The following MORC1 variants were observed in gnomAD, a reference collection of about 807,000 sequenced individuals.
MORC1 encodes MORC family CW-type zinc finger protein 1.
MORC1 carries 59 observed loss-of-function variants against 134.9 expected under a neutral mutation model. That is an observed-to-expected ratio of 0.44 (90% CI 0.35 to 0.54). MORC1 has a LOEUF of 0.54. MORC1 is among the 20% of genes least tolerant of loss of function. The probability of loss-of-function intolerance (pLI) is 0.00; values close to 1 mark genes in which losing one functional copy is unlikely to be tolerated. For synonymous variants in MORC1, 395 were observed against 391.7 expected (o/e 1.01, Z -0.10); for missense variants, 947 against 1,134.5 (o/e 0.83, Z 2.37).
chr3:109,060,154 C>G (rs939094528), intron 11 of MORC1, among the ~76,000 whole-genome samples: 1 of 151,558 alleles, frequency 6.6e-6, no homozygotes, highest in Non-Finnish European at 1.5e-5. Flanking sequence ...ACGGCTTTGA[C>G]AAAAACTACA....
chr3:109,051,163 T>C (rs1374369068), intron 14 of MORC1, among the ~76,000 whole-genome samples: 3 of 152,204 alleles, frequency 2.0e-5, no homozygotes, highest in Admixed American at 2.0e-4. Context: ...TCTGAGATTG[T>C]TAGCATCAGC....
At chr3:109,014,455 A>G (rs193227803) in intron 17 of MORC1, among the ~76,000 whole-genome samples, 2 of 152,324 alleles carry the variant, frequency 1.3e-5, no homozygotes, top group Admixed American at 1.3e-4. Flanking sequence ...TCTACATTCA[A>G]AAGGTGGTTA....
chr3:109,092,807 A>G (rs888733277), intron 8 of MORC1, among the ~76,000 whole-genome samples: 1 of 152,196 alleles, frequency 6.6e-6, no homozygotes, highest in Admixed American at 6.5e-5. Context: ...AATTACCTTT[A>G]CAATCTCTTC....
chr3:109,038,511 C>T (rs1949434148), intron 14 of MORC1, among the ~76,000 whole-genome samples: 3 of 152,186 alleles, frequency 2.0e-5, no homozygotes, highest in South Asian at 4.2e-4. Context: ...AAGCCTTTGT[C>T]CATGCCTATG....
chr3:109,083,123 A>G (rs1344583977), intron 8 of MORC1, among the ~76,000 whole-genome samples: 1 of 152,190 alleles, frequency 6.6e-6, no homozygotes, highest in Non-Finnish European at 1.5e-5. Flanking sequence ...AGACAGTGAA[A>G]CAATATTTTC....
At chr3:109,065,525 G>T (rs890967720) in intron 9 of MORC1, among the ~76,000 whole-genome samples, 10 of 152,264 alleles carry the variant, frequency 6.6e-5, no homozygotes, top group African/African-American at 2.2e-4. Flanking sequence ...TCTAGGCTGA[G>T]CTGTGGCATG....
In MORC1 at chr3:109,054,743, T is replaced by C. The variant is rs1423256053; in HGVS notation, c.1315A>G (p.Lys439Glu). ...VMGQYLVQYCKDTGINNRNLT... is the reference protein window; with the variant it reads ...VMGQYLVQYCEDTGINNRNLT... ...GAATACTCACTGATGCCGGTGTCCTTACAGTACTGGACCAAGTACTGTCCC... is the reference window on the plus strand; with the variant it reads ...GAATACTCACTGATGCCGGTGTCCTCACAGTACTGGACCAAGTACTGTCCC... Residue 439 changes from lysine to glutamate, a missense_variant, in exon 14 of 28, where the codon AAG becomes GAG. This residue lies in a region of MORC1 where 722 missense variants were observed against 817.0 expected (regional missense o/e 0.88). Transcript: ENST00000232603. The C allele has an allele frequency of 6.4e-7, 1 of 1,561,340 alleles. No individual in the cohort carries two copies. The highest frequency in any genetic ancestry group is 8.6e-7 in the Non-Finnish European group (1 of 1,163,612).
intron 8 of MORC1, among the ~76,000 whole-genome samples, chr3:109,070,471 T>G (rs1950294276): frequency 6.6e-6 from 1 of 152,154 alleles, no homozygotes; most frequent in Non-Finnish European, 1.5e-5. Flanking sequence ...AACTTCTATA[T>G]TAAAGTCCGT....
chr3:108,963,020 G>A (rs890009990), intron 27 of MORC1, among the ~76,000 whole-genome samples: 4 of 151,960 alleles, frequency 2.6e-5, no homozygotes, highest in Non-Finnish European at 5.9e-5. Context: ...TATACCAACA[G>A]CACAAGCAAA....
At chr3:109,111,204 A>T (rs1951162763) in intron 2 of MORC1, among the ~76,000 whole-genome samples, 1 of 152,164 alleles carries the variant, frequency 6.6e-6, no homozygotes, top group Non-Finnish European at 1.5e-5. Flanking sequence ...ACATGGAAGG[A>T]AAGAAATCAA....
At chr3:109,050,690 G>C (rs560373766) in intron 14 of MORC1, among the ~76,000 whole-genome samples, 1 of 152,282 alleles carries the variant, frequency 6.6e-6, no homozygotes, top group African/African-American at 2.4e-5. Context: ...ATAGTTGAAT[G>C]AAAGAACCCA....
intron 7 of MORC1, 115 bp downstream of exon 7, chr3:109,094,794 G>A (rs1443145988): frequency 2.0e-6 from 2 of 979,690 alleles, no homozygotes; most frequent in East Asian, 6.3e-5. Flanking sequence ...TGTCCCCAGT[G>A]TGAATCCACA....
At chr3:109,046,245 G>A (rs774683022) in intron 14 of MORC1, among the ~76,000 whole-genome samples, 15 of 152,162 alleles carry the variant, frequency 9.9e-5, no homozygotes, top group Non-Finnish European at 1.5e-4. Flanking sequence ...GATGCTGTGC[G>A]TGGAGACTAG....
intron 14 of MORC1, among the ~76,000 whole-genome samples, chr3:109,045,730 A>G (rs1182001212): frequency 6.6e-6 from 1 of 152,150 alleles, no homozygotes; most frequent in East Asian, 1.9e-4. Flanking sequence ...CGGTTGTGCT[A>G]GTCTCATGTT....
At chr3:109,104,048 G>A in intron 3 of MORC1, 131 bp from the exon 4 acceptor site, 3 of 802,358 alleles carry the variant, frequency 3.7e-6, no homozygotes, top group Non-Finnish European at 6.2e-6. Context: ...CACAAAGATG[G>A]AGCCTAGAGT....
At chr3:109,044,557 C>CAA (rs5851634) in intron 14 of MORC1, among the ~76,000 whole-genome samples, 3 of 145,174 alleles carry the variant, frequency 2.1e-5, no homozygotes, top group Admixed American at 1.4e-4. Flanking sequence ...GACTCCACCT[C>CAA]AAAAAAAAAA....
rs900087409 is a variant in MORC1 at position 108,958,299 on chromosome 3, CAAA to C, written c.*663_*665del. 7.1e-6 allele frequency: 1 copy of C among 140,082 alleles called. No homozygotes were observed. Among genetic ancestry groups the C allele is most frequent in the South Asian group, 2.3e-4 (1 of 4,432 alleles). The allele number at this position is 140,082 out of a possible 1,614,324, so 8.7% of individuals were successfully genotyped here. A position where few individuals can be genotyped will look rare whatever the true frequency, so the allele number is the denominator to read the frequency against. On this transcript the variant is annotated 3_prime_UTR_variant, in exon 28 of 28. Coordinates refer to ENST00000232603, the MANE Select transcript of MORC1 (RefSeq NM_014429.4). ...GTCTAAAGTTTCAGACATTTCTAAA[CAAA>C]AAAAAAACACTTATCAAGAAAAGTG... is the stretch of plus-strand genomic sequence containing the variant.
chr3:109,096,156 A>G (rs537235767), intron 6 of MORC1, among the ~76,000 whole-genome samples: 1 of 152,340 alleles, frequency 6.6e-6, no homozygotes, highest in South Asian at 2.1e-4. Flanking sequence ...AGAAACATTC[A>G]GAGAATAAGA....
In MORC1 at chr3:108,986,892, G is replaced by A. The variant is rs550984805; in HGVS notation, c.2245C>T (p.Leu749Phe). ...SLKQEKKEIP[L>F]LNQEKQELCN... Reference sequence around the variant, plus strand: ...GATTTTTTTTTACCTTGGTTTAAAAGAGGAATTTCCTTTTTTTCTTGTTTC... The same window carrying A: ...GATTTTTTTTTACCTTGGTTTAAAAAAGGAATTTCCTTTTTTTCTTGTTTC... Residue 749 changes from leucine (L) to phenylalanine (F), a missense_variant, in exon 22 of 28, where the codon CTT becomes TTT. This residue lies in a region of MORC1 where 722 missense variants were observed against 817.0 expected (regional missense o/e 0.88). Coordinates refer to ENST00000232603, the MANE Select transcript of MORC1 (RefSeq NM_014429.4). 1 of 1,562,246 alleles carries A rather than the reference G, an allele frequency of 6.4e-7. No individual in the cohort carries two copies. Among genetic ancestry groups the A allele is most frequent in the East Asian group, 2.2e-5 (1 of 44,460 alleles).
Sources: allele counts gnomAD v4.1 joint callset (sites outside exome capture counted in the v4.1 genomes callset), GRCh38; gene constraint gnomAD v4.1.1; regional missense constraint gnomAD v4.1.1; transcripts MANE v1.5; gene names NCBI Gene and HGNC (gene_info 2026-07-23, HGNC 2026-07-21).